The following PTPRA variants were observed in gnomAD, a reference collection of about 807,000 sequenced individuals.
PTPRA encodes the protein receptor-type tyrosine-protein phosphatase alpha.
A neutral mutation model predicts 104.8 loss-of-function variants in PTPRA; 25 were observed. The observed-to-expected ratio is 0.24, with a 90% CI of 0.17 to 0.33. The LOEUF (loss-of-function observed/expected upper bound fraction) is 0.33. PTPRA is among the 10% of genes least tolerant of loss of function. The probability of loss-of-function intolerance (pLI) is 1.00; values close to 1 mark genes in which losing one functional copy is unlikely to be tolerated. For synonymous variants in PTPRA, 323 were observed against 368.9 expected (o/e 0.88, Z 1.43); for missense variants, 765 against 1,015.3 (o/e 0.75, Z 3.35).
intron 9 of PTPRA, among the ~76,000 whole-genome samples, chr20:3,003,215 A>C (rs916063042): frequency 6.6e-6 from 1 of 152,180 alleles, no homozygotes; most frequent in Non-Finnish European, 1.5e-5. Flanking sequence ...CTGCACTTAT[A>C]TTTGATTCCC....
At chr20:2,931,410 GTAAT>G in intron 2 of PTPRA, among the ~76,000 whole-genome samples, 1 of 151,526 alleles carries the variant, frequency 6.6e-6, no homozygotes, top group East Asian at 1.9e-4. Flanking sequence ...TAAAGGGAAG[GTAAT>G]TAATTTGGTT....
chr20:2,881,033 G>T (rs2090017866), intron 1 of PTPRA, among the ~76,000 whole-genome samples: 1 of 151,838 alleles, frequency 6.6e-6, no homozygotes, highest in Non-Finnish European at 1.5e-5. Flanking sequence ...GGAGGACCGG[G>T]CATAGTGGGT....
In PTPRA at chr20:2,964,282, A is replaced by T. The variant is rs140259035; in HGVS notation, c.5A>T (p.Asp2Val). M[D>V]SWFILVLLGS... ...CTCCCTATTTTCCAGATAAGCATGGATTCCTGGTTCATTCTTGTTCTGCTC... is the reference window on the plus strand; with the variant it reads ...CTCCCTATTTTCCAGATAAGCATGGTTTCCTGGTTCATTCTTGTTCTGCTC... Residue 2 changes from aspartate (D) to valine (V), a missense_variant, in exon 4 of 24, where the codon GAT becomes GTT. Transcript: ENST00000399903. 1,244 of 1,610,146 alleles carry T rather than the reference A, an allele frequency of 7.7e-4. 1 individual carries two copies. The highest frequency in any genetic ancestry group is 9.9e-4 in the Non-Finnish European group (1,164 of 1,178,126).
chr20:2,891,686 A>G (rs572485534), intron 1 of PTPRA, among the ~76,000 whole-genome samples: 2 of 152,272 alleles, frequency 1.3e-5, no homozygotes, highest in Non-Finnish European at 2.9e-5. Flanking sequence ...AAGGATCCTG[A>G]TAGTCCAAAA....
chr20:2,961,825 A>G (rs143272089), intron 3 of PTPRA, among the ~76,000 whole-genome samples: 7 of 152,288 alleles, frequency 4.6e-5, no homozygotes, highest in South Asian at 2.1e-4. Context: ...TAATTTTTCT[A>G]TATGTAGCTG....
At chr20:2,877,476 C>A (rs1330651794) in intron 1 of PTPRA, among the ~76,000 whole-genome samples, 1 of 152,152 alleles carries the variant, frequency 6.6e-6, no homozygotes, top group Non-Finnish European at 1.5e-5. Flanking sequence ...TAAGGCTGGT[C>A]TTGAACTCCT....
chr20:2,894,466 A>G (rs1020024868), intron 1 of PTPRA, among the ~76,000 whole-genome samples: 2 of 152,094 alleles, frequency 1.3e-5, no homozygotes, highest in African/African-American at 4.8e-5. Flanking sequence ...AAATGAGTTC[A>G]ACTTCAGTTT....
At chr20:2,905,553 T>C (rs2059392895) in intron 1 of PTPRA, among the ~76,000 whole-genome samples, 1 of 152,188 alleles carries the variant, frequency 6.6e-6, no homozygotes, top group South Asian at 2.1e-4. Context: ...AAAGTAGTTG[T>C]TTTTAGGAAA....
At chr20:2,953,628 G>C (rs1408235088) in intron 3 of PTPRA, among the ~76,000 whole-genome samples, 1 of 149,968 alleles carries the variant, frequency 6.7e-6, no homozygotes, top group African/African-American at 2.5e-5. Flanking sequence ...TTTTTTTTGA[G>C]ACAGAATCTT....
chr20:2,987,261 G>A (rs1032049033), intron 7 of PTPRA, among the ~76,000 whole-genome samples: 9 of 151,916 alleles, frequency 5.9e-5, no homozygotes, highest in African/African-American at 2.2e-4. Flanking sequence ...TTTCTGGCTG[G>A]GGCTTTGTCC....
chr20:3,032,196 A>C (rs368520303), intron 20 of PTPRA, among the ~76,000 whole-genome samples: 2 of 151,986 alleles, frequency 1.3e-5, no homozygotes, highest in Non-Finnish European at 2.9e-5. Flanking sequence ...TACCAACTCT[A>C]TTCTCTCTTG....
At chr20:3,030,926 C>T (rs1046295828) in intron 20 of PTPRA, among the ~76,000 whole-genome samples, 6 of 152,024 alleles carry the variant, frequency 3.9e-5, no homozygotes, top group Admixed American at 1.3e-4. Flanking sequence ...GTGATCCGCC[C>T]GCCTTAGCCT....
chr20:2,864,965 C>T, the PTPRA span: 2 of 1,614,184 alleles, frequency 1.2e-6, no homozygotes. This position sits in a 1 kb window ranked among gnomAD's most constrained non-coding sequence, Gnocchi z 5.2. Context: ...GGCCTTCCTT[C>T]TTGTCTTTAT....
In PTPRA at chr20:3,017,155, A is replaced by G. The variant is rs373875663; in HGVS notation, c.944-661A>G. Among the ~76,000 whole-genome samples, 13 of 152,154 alleles carry G rather than the reference A, an allele frequency of 8.5e-5. No individual in the cohort carries two copies. In the South Asian group the frequency reaches 1.2e-3, roughly 15 times the overall value. ...ATCTTCTCTCAGTACCTTTAGATAC[A>G]TGAGGTTTAATTTTTTTATCTTGGG... On this transcript the variant is annotated intron_variant, in intron 12 of 23. Transcript: ENST00000399903.
intron 9 of PTPRA, among the ~76,000 whole-genome samples, chr20:2,988,757 T>C (rs1481384961): frequency 6.6e-6 from 1 of 152,246 alleles, no homozygotes; most frequent in African/African-American, 2.4e-5. Context: ...TCAGGTAATA[T>C]TCTAGTTGCC....
At chr20:2,972,655 AAGTTTT>A (rs1384176322) in intron 5 of PTPRA, among the ~76,000 whole-genome samples, 1 of 152,056 alleles carries the variant, frequency 6.6e-6, no homozygotes, top group Non-Finnish European at 1.5e-5. Context: ...TCTTTTTGAT[AAGTTTT>A]AGTTTTTAGT....
In PTPRA at chr20:2,982,727, C is replaced by T. The variant is rs374329646; in HGVS notation, c.443-4038C>T. 5.1e-4 allele frequency among the ~76,000 whole-genome samples: 77 copies of T among 150,602 alleles called. 1 individual carries two copies. The South Asian group carries it at 9.2e-3, about 18-fold the overall frequency. ...TTTTTTTTTTTTTGAGACAGAGTCT[C>T]GCTCTATTGCCCAGGCTGAAGTGCA... On this transcript the variant is annotated intron_variant, in intron 6 of 23. Transcript: ENST00000399903.
rs528653421 is a variant in PTPRA, at chr20:2,923,799, C to CA, written c.-50+521dup. On this transcript the variant is annotated intron_variant, in intron 2 of 23. Transcript: ENST00000399903. ...GGCACCAAAGAATGAAACTCCTTCTCAAAAAAATAAAAATAAAAAGACCAA... is the reference window on the plus strand; with the variant it reads ...GGCACCAAAGAATGAAACTCCTTCTCAAAAAAAATAAAAATAAAAAGACCAA... Among the ~76,000 whole-genome samples, 6 of 151,814 alleles carry CA rather than the reference C, an allele frequency of 4.0e-5. No individual in the cohort carries two copies. In the South Asian group the frequency reaches 8.3e-4, roughly 21 times the overall value.
chr20:2,908,794 T>C (rs1003061194), intron 1 of PTPRA, among the ~76,000 whole-genome samples: 3 of 152,204 alleles, frequency 2.0e-5, no homozygotes, highest in Non-Finnish European at 4.4e-5. Flanking sequence ...TTGTTTTTGT[T>C]TCGACATGAT....
Sources: gnomAD v4.1 joint callset for allele counts (sites outside exome capture counted in the v4.1 genomes callset) on GRCh38, gnomAD v4.1.1 for gene constraint, Gnocchi (gnomAD v3.1) non-coding constraint, MANE v1.5 for transcripts, NCBI Gene and HGNC (gene_info 2026-07-23, HGNC 2026-07-21) for gene names.